The following THOC2 variants were observed in gnomAD, a reference collection of about 807,000 sequenced individuals.
THOC2 encodes THO complex subunit 2.
Under a neutral mutation model 128.4 loss-of-function variants are expected in THOC2, and 10 were observed. That is an observed-to-expected ratio of 0.08 (90% CI 0.05 to 0.13). THOC2 has a LOEUF of 0.13. Ranked by LOEUF, THOC2 falls within the 10% of genes least tolerant of loss-of-function variation. The pLI is 1.00. For synonymous variants in THOC2, 393 were observed against 396.9 expected (o/e 0.99, Z 0.12); for missense variants, 535 against 1,155.7 (o/e 0.46, Z 7.79).
Position 123,604,371 on chromosome X carries a change from GT to G in THOC2, c.*19-3034del, listed in dbSNP as rs1052444931. ...ATTATCTGGACCTCCTGAGTTGTTT[GT>G]TTTTTTTTTTTCTTTTTGGCCAGAG... On this transcript the variant is annotated intron_variant, in intron 38 of 38. Transcript: ENST00000245838. Among the ~76,000 whole-genome samples the G allele has an allele frequency of 8.4e-3, 851 of 100,797 alleles. 5 individuals carry two copies. The highest frequency in any genetic ancestry group is 0.02 in the Middle Eastern group (4 of 197). The allele number at this position is 100,797 out of a possible 115,157, so 87.5% of individuals were successfully genotyped here. A position where few individuals can be genotyped will look rare whatever the true frequency, so the allele number is the denominator to read the frequency against.
chrX:123,657,976 TGTGTG>T (rs2048674498), intron 12 of THOC2, among the ~76,000 whole-genome samples: 13 of 108,450 alleles, frequency 1.2e-4, no homozygotes, highest in Admixed American at 7.9e-4. Context: ...TGTGTGTGTG[TGTGTG>T]TGTGTGTGTG....
At chrX:123,706,745 C>T (rs1001346083) in intron 3 of THOC2, 113 bp downstream of exon 3, 10 of 335,043 alleles carry the variant, frequency 3.0e-5, no homozygotes, top group Non-Finnish European at 5.0e-5. Context: ...TTTAAAAATC[C>T]ATCCACTTCT....
chrX:123,724,381 C>CA (rs1297316333), intron 1 of THOC2, among the ~76,000 whole-genome samples: 1 of 111,624 alleles, frequency 9.0e-6, no homozygotes, highest in Non-Finnish European at 1.9e-5. Flanking sequence ...TGTTCAAAAC[C>CA]AAAAAATAAA....
intron 16 of THOC2, among the ~76,000 whole-genome samples, chrX:123,640,331 A>G (rs1439367322): frequency 8.9e-6 from 1 of 112,108 alleles, no homozygotes; most frequent in Non-Finnish European, 1.9e-5. Flanking sequence ...TATATATACA[A>G]AATAACTATT....
In THOC2 at chrX:123,712,800, A is replaced by C. The variant is rs371172640; in HGVS notation, c.130+50T>G. The stretch of plus-strand genomic sequence containing the variant: ...ACCTAACAATGAATAGAAAGCAGAC[A>C]GTTACTAATTTTAATCAAGAAATAA... On this transcript the variant is annotated intron_variant, in intron 2 of 38. Transcript: ENST00000245838. 1.7e-3 allele frequency: 1,435 copies of C among 830,611 alleles called. 8 individuals are homozygous for C. The highest frequency in any genetic ancestry group is 0.017 in the South Asian group (680 of 40,361). The allele number at this position is 830,611 out of a possible 1,213,427, so 68.5% of individuals were successfully genotyped here. A position where few individuals can be genotyped will look rare whatever the true frequency, so the allele number is the denominator to read the frequency against.
At chrX:123,693,609 C>T (rs1429464765) in intron 7 of THOC2, among the ~76,000 whole-genome samples, 2 of 111,124 alleles carry the variant, frequency 1.8e-5, no homozygotes, top group African/African-American at 6.6e-5. Flanking sequence ...ATAGATTATA[C>T]AAGAATAGAG....
At chrX:123,631,654 G>A (rs754527019) in intron 22 of THOC2, 34 bp downstream of exon 22, 209 of 1,189,152 alleles carry the variant, frequency 1.8e-4, no homozygotes, top group Non-Finnish European at 2.3e-4. Flanking sequence ...AATTTGGATC[G>A]TTCTTGAGCG....
Position 123,624,962 on chromosome X carries a change from A to G in THOC2, c.3058-293T>C, listed in dbSNP as rs1351284458. Among the ~76,000 whole-genome samples the G allele has an allele frequency of 2.7e-5, 3 of 110,523 alleles. No homozygotes were observed. In the South Asian group the frequency reaches 1.1e-3, roughly 42 times the overall value. ...TTACATAATAAGTTGTTTTTTTTTTATTACATAATAGTTTCTTAACCACTT... is the reference window on the plus strand; with the variant it reads ...TTACATAATAAGTTGTTTTTTTTTTGTTACATAATAGTTTCTTAACCACTT... On this transcript the variant is annotated intron_variant, in intron 25 of 38. Transcript: ENST00000245838.
At chrX:123,628,708 C>CA (rs2047358337) in intron 22 of THOC2, among the ~76,000 whole-genome samples, 1 of 92,357 alleles carries the variant, frequency 1.1e-5, no homozygotes, top group African/African-American at 4.1e-5. Context: ...GAGACTGTCT[C>CA]AAAAAATAAA....
intron 17 of THOC2, 29 bp from the exon 18 acceptor site, chrX:123,638,152 A>G: frequency 1.0e-6 from 1 of 997,703 alleles, no homozygotes; most frequent in Non-Finnish European, 1.4e-6. Context: ...AAACTAAGTC[A>G]TTACATCTCT....
At position 123,610,925 on chromosome X, in the gene THOC2, G is replaced by A; in HGVS notation, c.*11C>T. Reference sequence around the variant, plus strand: ...TGGTGAGAGAACACTCACCTTGATGGAAAGTCTTCATTATCTGTGCTTGTC... The same window carrying A: ...TGGTGAGAGAACACTCACCTTGATGAAAAGTCTTCATTATCTGTGCTTGTC... On this transcript the variant is annotated 3_prime_UTR_variant, in exon 38 of 39. Coordinates refer to ENST00000245838, the MANE Select transcript of THOC2 (RefSeq NM_001081550.2). The A allele has an allele frequency of 8.3e-7, 1 of 1,203,927 alleles. No homozygotes were observed. The highest frequency in any genetic ancestry group is 3.0e-5 in the East Asian group (1 of 33,569).
intron 38 of THOC2, chrX:123,601,723 G>C (rs59792254): frequency 9.1e-6 from 1 of 110,004 alleles, no homozygotes; most frequent in East Asian, 2.8e-4. Context: ...CATTGTGTGC[G>C]TGTGGGAGAG....
At chrX:123,639,126 T>C (rs2047804934) in intron 16 of THOC2, 99 bp from the exon 17 acceptor site, 1 of 357,213 alleles carries the variant, frequency 2.8e-6, no homozygotes, top group Non-Finnish European at 5.0e-6. Context: ...TCAAAAGAAA[T>C]AATGCTTATA....
At position 123,711,469 on chromosome X, in the gene THOC2, C is replaced by T. The variant is rs749957863; in HGVS notation, c.130+1381G>A. Among the ~76,000 whole-genome samples, 19 of 110,040 alleles carry T rather than the reference C, an allele frequency of 1.7e-4. No homozygotes were observed. In the South Asian group the frequency reaches 7.1e-3, roughly 41 times the overall value. Reference sequence around the variant, plus strand: ...CAGCCTAGGCAATATAGCAAGACACCTCATCTCTACAAAAAATAAATTAAA... The same window carrying T: ...CAGCCTAGGCAATATAGCAAGACACTTCATCTCTACAAAAAATAAATTAAA... On this transcript the variant is annotated intron_variant, in intron 2 of 38. Transcript: ENST00000245838.
At chrX:123,697,586 T>C (rs1351190551) in intron 5 of THOC2, 95 bp downstream of exon 5, 1 of 488,761 alleles carries the variant, frequency 2.0e-6, no homozygotes, top group Non-Finnish European at 3.4e-6. Context: ...AAAAGTCAAC[T>C]GAATGTCAAT....
At chrX:123,628,572 G>A (rs5956561) in intron 22 of THOC2, among the ~76,000 whole-genome samples, 1 of 110,597 alleles carries the variant, frequency 9.0e-6, no homozygotes, top group Non-Finnish European at 1.9e-5. Flanking sequence ...TTAGCCAGGC[G>A]TGGTGGCGCA....
At chrX:123,634,314 T>C (rs2047593352) in intron 19 of THOC2, among the ~76,000 whole-genome samples, 1 of 111,475 alleles carries the variant, frequency 9.0e-6, no homozygotes, top group Non-Finnish European at 1.9e-5. Flanking sequence ...ATAACAATAG[T>C]ACAAAGCTCA....
chrX:123,621,657 A>T, intron 30 of THOC2, 70 bp from the exon 31 acceptor site: 1 of 847,371 alleles, frequency 1.2e-6, no homozygotes, highest in Non-Finnish European at 1.6e-6. Context: ...ATGATAAAAT[A>T]TATCATAAAG....
At chrX:123,694,324 AC>A (rs994254391) in intron 7 of THOC2, among the ~76,000 whole-genome samples, 6 of 111,756 alleles carry the variant, frequency 5.4e-5, no homozygotes, top group African/African-American at 2.0e-4. Context: ...CCTAGAAAGA[AC>A]AGAAAGGGGC....
Sources: allele counts gnomAD v4.1 joint callset (sites outside exome capture counted in the v4.1 genomes callset), GRCh38; gene constraint gnomAD v4.1.1; transcripts MANE v1.5; gene names NCBI Gene and HGNC (gene_info 2026-07-23, HGNC 2026-07-21).